The following ARHGEF26 variants were observed in gnomAD, a reference collection of about 807,000 sequenced individuals.
ARHGEF26 encodes Rho guanine nucleotide exchange factor (GEF) 26.
A neutral mutation model predicts 89.4 loss-of-function variants in ARHGEF26; 59 were observed. The ratio of observed to expected loss-of-function variants is 0.66; its 90% CI spans 0.54 to 0.82. The LOEUF is 0.82. ARHGEF26 is among the 40% of genes least tolerant of loss of function. ARHGEF26 has a pLI of 0.00. For synonymous variants in ARHGEF26, 500 were observed against 428.4 expected (o/e 1.17, Z -2.06); for missense variants, 1,234 against 1,085.6 (o/e 1.14, Z -1.92).
Position 154,187,691 on chromosome 3 carries a change from T to TA in ARHGEF26, c.1495dup (p.Ile499AsnfsTer10), listed in dbSNP as rs1478501427. On this transcript the variant is annotated frameshift_variant, in exon 7 of 15. Coordinates refer to ENST00000465093, the MANE Select transcript of ARHGEF26 (RefSeq NM_015595.4). LOFTEE classifies it high-confidence loss of function. ...TTTCCCTTTGGTTTTTCAGGTTCTT[T>TA]ATAGAGTTGGAAGCAAGACATCAGA... 6.2e-7 allele frequency: 1 copy of TA among 1,603,502 alleles called. No individual in the cohort carries two copies. The highest frequency in any genetic ancestry group is 8.5e-7 in the Non-Finnish European group (1 of 1,174,806).
intron 6 of ARHGEF26, among the ~76,000 whole-genome samples, chr3:154,154,156 T>C (rs1213109183): frequency 6.6e-6 from 1 of 152,156 alleles, no homozygotes; most frequent in Non-Finnish European, 1.5e-5. Context: ...TTCTATTTAT[T>C]AGTGCTCAAA....
chr3:154,186,881 TCAGAC>T (rs1713585861), intron 6 of ARHGEF26, among the ~76,000 whole-genome samples: 1 of 141,162 alleles, frequency 7.1e-6, no homozygotes. Flanking sequence ...TAGATTTATT[TCAGAC>T]TTTTTTTTTT....
chr3:154,151,861 G>A (rs1433258185), intron 5 of ARHGEF26, among the ~76,000 whole-genome samples: 1 of 152,186 alleles, frequency 6.6e-6, no homozygotes, highest in Non-Finnish European at 1.5e-5. Flanking sequence ...TGGAGCCCTG[G>A]AGATCAGGGT....
intron 9 of ARHGEF26, among the ~76,000 whole-genome samples, chr3:154,195,849 G>A (rs1334150053): frequency 6.6e-6 from 1 of 152,086 alleles, no homozygotes; most frequent in Non-Finnish European, 1.5e-5. Flanking sequence ...GAATGAGAAG[G>A]GCAGTGAGCC....
chr3:154,147,777 CT>C (rs1361615668), intron 4 of ARHGEF26, among the ~76,000 whole-genome samples: 4 of 152,052 alleles, frequency 2.6e-5, no homozygotes, highest in Non-Finnish European at 4.4e-5. Flanking sequence ...TCTTTTTCCC[CT>C]TCTTTTCTTC....
intron 6 of ARHGEF26, among the ~76,000 whole-genome samples, chr3:154,167,441 A>G (rs1387134140): frequency 4.6e-5 from 7 of 152,176 alleles, no homozygotes; most frequent in African/African-American, 1.4e-4. Flanking sequence ...TCCTTTGTCA[A>G]ATTAATCTCA....
At chr3:154,197,661 CTG>C (rs1297678664) in intron 9 of ARHGEF26, among the ~76,000 whole-genome samples, 1 of 152,150 alleles carries the variant, frequency 6.6e-6, no homozygotes, top group Non-Finnish European at 1.5e-5. Context: ...GCCTTAAAGA[CTG>C]TGACAATTTC....
At chr3:154,124,773 T>A (rs532954865) in intron 3 of ARHGEF26, among the ~76,000 whole-genome samples, 3 of 152,314 alleles carry the variant, frequency 2.0e-5, no homozygotes, top group Admixed American at 6.5e-5. Flanking sequence ...AAAATTCTGA[T>A]TTTGGCATTT....
chr3:154,161,766 A>T (rs1576720484), intron 6 of ARHGEF26, among the ~76,000 whole-genome samples: 1 of 152,214 alleles, frequency 6.6e-6, no homozygotes, highest in East Asian at 1.9e-4. Context: ...ATAATCATAA[A>T]GAATTAATTG....
intron 11 of ARHGEF26, among the ~76,000 whole-genome samples, chr3:154,228,232 G>C (rs1429463373): frequency 1.3e-5 from 2 of 151,204 alleles, no homozygotes; most frequent in Admixed American, 6.6e-5. Flanking sequence ...CTGCCTCCCA[G>C]GTTCAAGTGA....
chr3:154,234,456 G>A (rs1240980840), intron 11 of ARHGEF26, among the ~76,000 whole-genome samples: 1 of 152,134 alleles, frequency 6.6e-6, no homozygotes, highest in African/African-American at 2.4e-5. Flanking sequence ...TTGTCACTTA[G>A]TTTTTCTTCA....
intron 11 of ARHGEF26, among the ~76,000 whole-genome samples, chr3:154,239,741 G>C (rs944771730): frequency 1.3e-5 from 2 of 152,164 alleles, no homozygotes; most frequent in African/African-American, 4.8e-5. Flanking sequence ...GATTGGGCAT[G>C]TTCACAGTGC....
chr3:154,133,951 G>T (rs1244535522), intron 4 of ARHGEF26, among the ~76,000 whole-genome samples: 2 of 151,960 alleles, frequency 1.3e-5, no homozygotes, highest in African/African-American at 2.4e-5. Context: ...TTTTTTTGTG[G>T]CAATTGTGAA....
Position 154,177,897 on chromosome 3 carries a change from T to C in ARHGEF26, c.1488-9788T>C, listed in dbSNP as rs569490499. On this transcript the variant is annotated intron_variant, in intron 6 of 14. Transcript: ENST00000465093. ...GCCCTCCATCCATTTCTCTAGCTGC[T>C]GCACTTATTAAAAGGGCTTTATTGG... Among the ~76,000 whole-genome samples the C allele has an allele frequency of 5.3e-5, 8 of 152,294 alleles. No homozygotes were observed. In the East Asian group the frequency reaches 1.4e-3, roughly 26 times the overall value.
chr3:154,215,704 A>G (rs965870524), intron 9 of ARHGEF26, among the ~76,000 whole-genome samples: 2 of 152,046 alleles, frequency 1.3e-5, no homozygotes, highest in African/African-American at 2.4e-5. Flanking sequence ...CCTTCTCCCT[A>G]TGTCCTCACA....
chr3:154,184,302 A>G (rs1005918421), intron 6 of ARHGEF26, among the ~76,000 whole-genome samples: 23 of 152,272 alleles, frequency 1.5e-4, no homozygotes, highest in African/African-American at 5.5e-4. Context: ...TTTTCTTTAC[A>G]TTTGCATTAC....
rs139582044 is a variant in ARHGEF26 at position 154,233,021 on chromosome 3, C to T, written c.2090+7011C>T. On this transcript the variant is annotated intron_variant, in intron 11 of 14. Transcript: ENST00000465093. ...TTTTTTTTTCTATTTTTAGTAAAGA[C>T]GGGGTTTTACCATGTTAGCCAGGAT... 6.8e-3 allele frequency among the ~76,000 whole-genome samples: 1,033 copies of T among 151,606 alleles called. 10 individuals carry two copies. The highest frequency in any genetic ancestry group is 0.024 in the African/African-American group (977 of 41,328).
intron 6 of ARHGEF26, among the ~76,000 whole-genome samples, chr3:154,183,911 G>A: frequency 6.6e-6 from 1 of 151,764 alleles, no homozygotes; most frequent in East Asian, 1.9e-4. Flanking sequence ...AGAGCTACTT[G>A]CCTCAAGATA....
chr3:154,210,961 TTGTC>T (rs1380654393), intron 9 of ARHGEF26, among the ~76,000 whole-genome samples: 5 of 151,058 alleles, frequency 3.3e-5, no homozygotes, highest in African/African-American at 1.2e-4. Context: ...AAAAAAAAAT[TTGTC>T]TGGGAGGTGG....
Sources: gnomAD v4.1 joint callset for allele counts (sites outside exome capture counted in the v4.1 genomes callset) on GRCh38, gnomAD v4.1.1 for gene constraint, MANE v1.5 for transcripts, NCBI Gene and HGNC (gene_info 2026-07-23, HGNC 2026-07-21) for gene names.